GPC5: variants seen among roughly 807,000 people sequenced by gnomAD.
The protein encoded by GPC5 is glypican 5.
Under a neutral mutation model 53.9 loss-of-function variants are expected in GPC5, and 47 were observed. The observed-to-expected ratio is 0.87, with a 90% CI of 0.69 to 1.11. GPC5 has a LOEUF of 1.11. GPC5 is among the 50% of genes most tolerant of loss of function. The pLI is 0.00. For synonymous variants in GPC5, 286 were observed against 263.3 expected, an observed-to-expected ratio of 1.09 and a Z score of -0.84; for missense variants, 748 against 713.1, an observed-to-expected ratio of 1.05 and a Z score of -0.56.
chr13:92,517,241 C>T (rs1880828527), intron 7 of GPC5, among the ~76,000 whole-genome samples: 1 of 152,218 alleles, frequency 6.6e-6, no homozygotes, highest in South Asian at 2.1e-4. Flanking sequence ...CTGTAGACTC[C>T]ACCTCTGGGG....
At chr13:91,688,689 A>G (rs183962281) in intron 2 of GPC5, among the ~76,000 whole-genome samples, 1 of 150,232 alleles carries the variant, frequency 6.7e-6, no homozygotes, top group Admixed American at 6.6e-5. Context: ...TTGTGCAAAT[A>G]TAACAGACTA....
intron 7 of GPC5, among the ~76,000 whole-genome samples, chr13:92,283,896 C>T (rs1338044647): frequency 1.3e-5 from 2 of 152,068 alleles, no homozygotes; most frequent in Non-Finnish European, 2.9e-5. Context: ...AAGATCAGAG[C>T]AGAACTGAAG....
chr13:92,174,244 G>A (rs563310711), intron 7 of GPC5, among the ~76,000 whole-genome samples: 1 of 151,958 alleles, frequency 6.6e-6, no homozygotes, highest in Non-Finnish European at 1.5e-5. Flanking sequence ...AATTTGGGCC[G>A]GGTGTGGTGG....
intron 7 of GPC5, among the ~76,000 whole-genome samples, chr13:92,465,645 C>T (rs1409525685): frequency 6.6e-6 from 1 of 152,016 alleles, no homozygotes; most frequent in South Asian, 2.1e-4. Context: ...GATTGAATCA[C>T]TAAGATTCCT....
chr13:91,763,732 T>C (rs955997998), intron 5 of GPC5, among the ~76,000 whole-genome samples: 7 of 152,092 alleles, frequency 4.6e-5, no homozygotes, highest in African/African-American at 1.4e-4. Flanking sequence ...TACACTTTCT[T>C]GGTAGGTAAT....
intron 7 of GPC5, among the ~76,000 whole-genome samples, chr13:92,679,705 A>G (rs1887055779): frequency 2.6e-5 from 4 of 152,012 alleles, no homozygotes; most frequent in Admixed American, 1.3e-4. Flanking sequence ...AATTTTTTTC[A>G]TCATGGTTCA....
At chr13:92,363,378 C>G (rs2043583853) in intron 7 of GPC5, among the ~76,000 whole-genome samples, 1 of 151,618 alleles carries the variant, frequency 6.6e-6, no homozygotes, top group South Asian at 2.1e-4. Context: ...GACAAATTTT[C>G]TGCAGGACGG....
Position 92,032,831 on chromosome 13 carries a change from A to T in GPC5, c.1402-111999A>T, listed in dbSNP as rs550907863. 8.5e-5 allele frequency among the ~76,000 whole-genome samples: 13 copies of T among 152,140 alleles called. No homozygotes were observed. The South Asian group carries it at 2.7e-3, about 32-fold the overall frequency. On this transcript the variant is annotated intron_variant, in intron 6 of 7. Coordinates refer to ENST00000377067, the MANE Select transcript of GPC5 (RefSeq NM_004466.6). Reference sequence around the variant, plus strand: ...CTTCAGGATGCATGATTTCTCCCCCATTCTCTGCCCATCTGTCACACTACA... The same window carrying T: ...CTTCAGGATGCATGATTTCTCCCCCTTTCTCTGCCCATCTGTCACACTACA...
At chr13:92,395,349 A>C (rs571066921) in intron 7 of GPC5, among the ~76,000 whole-genome samples, 1 of 152,258 alleles carries the variant, frequency 6.6e-6, no homozygotes, top group African/African-American at 2.4e-5. Context: ...ATATGATAAC[A>C]CTTCACATGT....
chr13:91,985,693 T>C (rs2040400431), intron 6 of GPC5, among the ~76,000 whole-genome samples: 1 of 152,186 alleles, frequency 6.6e-6, no homozygotes, highest in South Asian at 2.1e-4. Context: ...TCCCAAACAA[T>C]CCAAGAAACT....
At chr13:92,052,352 TGGCACAGACCCAAAGA>T (rs1231818645) in intron 6 of GPC5, among the ~76,000 whole-genome samples, 1 of 152,096 alleles carries the variant, frequency 6.6e-6, no homozygotes, top group Non-Finnish European at 1.5e-5. Flanking sequence ...CTCTTAAAGG[TGGCACAGACCCAAAGA>T]GTGAGCAGCG....
intron 6 of GPC5, among the ~76,000 whole-genome samples, chr13:91,908,303 A>G (rs547561820): frequency 4.6e-5 from 7 of 152,236 alleles, no homozygotes; most frequent in Non-Finnish European, 1.0e-4. Flanking sequence ...TCAGCATTTC[A>G]TAATGAGAAT....
intron 5 of GPC5, among the ~76,000 whole-genome samples, chr13:91,791,715 T>A (rs1285854014): frequency 6.6e-6 from 1 of 150,892 alleles, no homozygotes; most frequent in Non-Finnish European, 1.5e-5. Context: ...AATACTCTCT[T>A]CCACTACTAA....
chr13:91,518,084 C>T (rs1464405331), intron 2 of GPC5, among the ~76,000 whole-genome samples: 2 of 152,118 alleles, frequency 1.3e-5, no homozygotes, highest in African/African-American at 4.8e-5. Context: ...GTTATAGGGT[C>T]CTTTACATTA....
chr13:91,417,049 A>C (rs1878286115), intron 1 of GPC5, among the ~76,000 whole-genome samples: 1 of 152,200 alleles, frequency 6.6e-6, no homozygotes, highest in Admixed American at 6.5e-5. Flanking sequence ...TGGATGGAAC[A>C]GAGTGGGGTG....
At chr13:92,797,819 T>TGATAGATAGATGATA (rs1876741404) in intron 7 of GPC5, among the ~76,000 whole-genome samples, 3 of 143,494 alleles carry the variant, frequency 2.1e-5, no homozygotes, top group Non-Finnish European at 4.6e-5. Flanking sequence ...ATTCAAGGGA[T>TGATAGATAGATGATA]GATAGATAGA....
At chr13:92,574,344 C>A (rs1187068866) in intron 7 of GPC5, among the ~76,000 whole-genome samples, 1 of 152,084 alleles carries the variant, frequency 6.6e-6, no homozygotes, top group Non-Finnish European at 1.5e-5. Context: ...ATTTCTTGGA[C>A]AGGGAAAATT....
In GPC5 at chr13:91,460,509, C is replaced by A. The variant is rs183542729; in HGVS notation, c.325+11587C>A. ...TAGAGACAGGGTTTCACCATGTTGG[C>A]TAGGCTGGTTTCGAACTCCTGGCCT... On this transcript the variant is annotated intron_variant, in intron 2 of 7. Coordinates refer to ENST00000377067, the MANE Select transcript of GPC5 (RefSeq NM_004466.6). 1.5e-3 allele frequency among the ~76,000 whole-genome samples: 231 copies of A among 152,152 alleles called. 2 individuals are homozygous for A. The highest frequency in any genetic ancestry group is 5.3e-3 in the African/African-American group (221 of 41,524).
chr13:91,606,982 T>C (rs938303671), intron 2 of GPC5, among the ~76,000 whole-genome samples: 3 of 151,756 alleles, frequency 2.0e-5, no homozygotes, highest in Non-Finnish European at 4.4e-5. Flanking sequence ...TTTAGTTATT[T>C]CTTGCCTTCT....
Sources: allele counts gnomAD v4.1 joint callset (sites outside exome capture counted in the v4.1 genomes callset), GRCh38; gene constraint gnomAD v4.1.1; transcripts MANE v1.5; gene names NCBI Gene and HGNC (gene_info 2026-07-23, HGNC 2026-07-21).